CTBP2: variants seen among roughly 807,000 people sequenced by gnomAD.
The protein encoded by CTBP2 is C-terminal binding protein 2, also known as C-terminal-binding protein 2.
CTBP2 carries 30 observed loss-of-function variants against 80.3 expected under a neutral mutation model. That is an observed-to-expected ratio of 0.37 (90% CI 0.28 to 0.51). CTBP2 has a LOEUF of 0.51. CTBP2 is among the 20% of genes least tolerant of loss of function. CTBP2 has a pLI of 0.93. For synonymous variants in CTBP2, 594 were observed against 587.4 expected (o/e 1.01, Z -0.16); for missense variants, 1,212 against 1,375.3 (o/e 0.88, Z 1.88).
At chr10:125,123,525 T>C (rs1157030001) in intron 1 of CTBP2, among the ~76,000 whole-genome samples, 1 of 152,218 alleles carries the variant, frequency 6.6e-6, no homozygotes, top group Non-Finnish European at 1.5e-5. Context: ...AATAACAGAT[T>C]TGTCATTTTT....
chr10:125,150,272 C>T (rs1424052936), intron 1 of CTBP2, among the ~76,000 whole-genome samples: 1 of 152,208 alleles, frequency 6.6e-6, no homozygotes, highest in African/African-American at 2.4e-5. Flanking sequence ...CAAACATGGT[C>T]TTACCTATTG....
chr10:125,145,770 C>A (rs1254743933), intron 1 of CTBP2, among the ~76,000 whole-genome samples: 1 of 152,178 alleles, frequency 6.6e-6, no homozygotes, highest in African/African-American at 2.4e-5. Flanking sequence ...ACATCTTATT[C>A]ATTGTGCACA....
chr10:125,013,819 G>A (rs1192051796), intron 1 of CTBP2, among the ~76,000 whole-genome samples: 1 of 152,182 alleles, frequency 6.6e-6, no homozygotes, highest in Non-Finnish European at 1.5e-5. Flanking sequence ...CTGCTGGATT[G>A]GTTCAACTCA....
At chr10:125,035,224 C>A (rs1024232184) in intron 3 of CTBP2, among the ~76,000 whole-genome samples, 1 of 152,216 alleles carries the variant, frequency 6.6e-6, no homozygotes, top group Non-Finnish European at 1.5e-5. Flanking sequence ...TCACAGAAAC[C>A]AGCTTGTCTC....
At chr10:125,133,588 A>C (rs913264634) in intron 1 of CTBP2, 2 of 152,168 alleles carry the variant, frequency 1.3e-5, no homozygotes, top group Non-Finnish European at 1.5e-5. Context: ...GCAGTCCTTC[A>C]ATCTGAATCC....
intron 1 of CTBP2, among the ~76,000 whole-genome samples, chr10:125,152,105 G>A (rs1176943987): frequency 2.0e-5 from 3 of 152,062 alleles, no homozygotes; most frequent in Admixed American, 6.5e-5. Context: ...CACAGCTGGG[G>A]CGGGGCCGCG....
intron 2 of CTBP2, among the ~76,000 whole-genome samples, chr10:125,100,235 T>C (rs559566366): frequency 6.6e-6 from 1 of 152,360 alleles, no homozygotes; most frequent in South Asian, 2.1e-4. Context: ...GATGCTGTAT[T>C]AAATGCAGAC....
intron 2 of CTBP2, among the ~76,000 whole-genome samples, chr10:125,094,346 A>G (rs970456194): frequency 6.6e-6 from 1 of 152,224 alleles, no homozygotes; most frequent in African/African-American, 2.4e-5. Context: ...CATGGAGCCA[A>G]GCACCAGGCA....
intron 1 of CTBP2, among the ~76,000 whole-genome samples, chr10:125,018,991 G>A (rs955389534): frequency 6.6e-6 from 1 of 152,234 alleles, no homozygotes; most frequent in African/African-American, 2.4e-5. Flanking sequence ...CTCTGTCAGT[G>A]GGGACGGGTG....
rs149019104 is a variant in CTBP2, at chr10:125,035,705, C to T, written c.58+3292G>A. Among the ~76,000 whole-genome samples, 892 of 152,282 alleles carry T rather than the reference C, an allele frequency of 5.9e-3. 31 individuals are homozygous for T. The highest frequency in any genetic ancestry group is 0.052 in the Admixed American group (789 of 15,294). ...CAATGCTGAGTGATTGTTAGCTAGC[C>T]CTCATTTCCAACCAATAGATGTTTG... On this transcript the variant is annotated intron_variant, in intron 3 of 10. Coordinates refer to the CTBP2 transcript ENST00000337195.
intron 1 of CTBP2, chr10:125,005,412 G>T: frequency 1.2e-6 from 1 of 827,920 alleles, no homozygotes; most frequent in Non-Finnish European, 1.9e-6. Flanking sequence ...CACTCCTGCT[G>T]CTGCCCCGAC....
chr10:125,074,400 G>A (rs984281867), intron 2 of CTBP2, among the ~76,000 whole-genome samples: 7 of 152,266 alleles, frequency 4.6e-5, no homozygotes, highest in East Asian at 1.9e-4. Context: ...TTTCACCCAG[G>A]CTGGAGTGCA....
At chr10:125,097,763 G>A (rs1849760066) in intron 2 of CTBP2, among the ~76,000 whole-genome samples, 1 of 152,122 alleles carries the variant, frequency 6.6e-6, no homozygotes, top group Non-Finnish European at 1.5e-5. Context: ...TCAATGACAG[G>A]CCCTCTGTAG....
At chr10:125,143,044 C>T (rs144177020) in intron 1 of CTBP2, among the ~76,000 whole-genome samples, 25 of 152,300 alleles carry the variant, frequency 1.6e-4, no homozygotes, top group African/African-American at 6.0e-4. Context: ...CCTCTGCCCA[C>T]CCCAGCTCGC....
At chr10:125,021,783 C>T (rs1460050238) in intron 1 of CTBP2, among the ~76,000 whole-genome samples, 1 of 152,194 alleles carries the variant, frequency 6.6e-6, no homozygotes, top group African/African-American at 2.4e-5. Flanking sequence ...AACCCAATGA[C>T]TGATCAAGTA....
In CTBP2 at chr10:124,994,610, C is replaced by A. The variant is rs1565016226; in HGVS notation, c.2259G>T (p.Leu753Phe). 1 of 1,614,144 alleles carries A rather than the reference C, an allele frequency of 6.2e-7. No individual in the cohort carries two copies. Among genetic ancestry groups the A allele is most frequent in the Non-Finnish European group, 8.5e-7 (1 of 1,179,976 alleles). Residue 753 changes from leucine (L) to phenylalanine (F), a missense_variant, in exon 5 of 9, where the codon TTG becomes TTT. Transcript: ENST00000309035. ...CCAGGGACCGCTCGATCCCATCCTGCAAGTAGGGGTCATAAAATATGACGC... is the reference window on the plus strand; with the variant it reads ...CCAGGGACCGCTCGATCCCATCCTGAAAGTAGGGGTCATAAAATATGACGC...
At position 124,993,189 on chromosome 10, in the gene CTBP2, C is replaced by A; in HGVS notation, c.2659+13G>T. On this transcript the variant is annotated intron_variant, in intron 7 of 8. Coordinates refer to ENST00000309035, the MANE Select transcript of CTBP2 (RefSeq NM_022802.3). ...GGCTGCCCTTGGCAGGCCAGAGGCACGGAGGGGCTCACCTGTGATGGCTCG... is the reference window on the plus strand; with the variant it reads ...GGCTGCCCTTGGCAGGCCAGAGGCAAGGAGGGGCTCACCTGTGATGGCTCG... 6.3e-7 allele frequency: 1 copy of A among 1,587,086 alleles called. No homozygotes were observed. Among genetic ancestry groups the A allele is most frequent in the Non-Finnish European group, 8.6e-7 (1 of 1,159,684 alleles).
At chr10:125,098,750 C>CAGAGAGAGAGAGAGAGAGAGAGAGAG (rs1265217140) in intron 2 of CTBP2, among the ~76,000 whole-genome samples, 2 of 75,480 alleles carry the variant, frequency 2.6e-5, no homozygotes, top group African/African-American at 6.7e-5. Flanking sequence ...GAGAGAGAGA[C>CAGAGAGAGAGAGAGAGAGAGAGAGAG]AGAGAGAGAG....
At chr10:125,013,809 C>A in intron 1 of CTBP2, among the ~76,000 whole-genome samples, 1 of 152,202 alleles carries the variant, frequency 6.6e-6, no homozygotes. Context: ...TGCAAACCAC[C>A]TGCTGGATTG....
Sources: gnomAD v4.1 joint callset for allele counts (sites outside exome capture counted in the v4.1 genomes callset) on GRCh38, gnomAD v4.1.1 for gene constraint, MANE v1.5 for transcripts, NCBI Gene and HGNC (gene_info 2026-07-23, HGNC 2026-07-21) for gene names.